Variants in CBLL1 observed in about 807,000 individuals in gnomAD.
The protein encoded by CBLL1 is E3 ubiquitin-protein ligase Hakai.
CBLL1 carries 4 observed loss-of-function variants against 44.9 expected under a neutral mutation model. The ratio of observed to expected loss-of-function variants is 0.09; its 90% CI spans 0.04 to 0.20. The LOEUF is 0.20. CBLL1 is among the 10% of genes least tolerant of loss of function. CBLL1 has a pLI of 1.00. For missense variants in CBLL1, 569 were observed against 636.7 expected (o/e 0.89, Z 1.14); for synonymous variants, 235 against 202.2 (o/e 1.16, Z -1.38).
Position 107,758,129 on chromosome 7 carries a change from C to A in CBLL1, c.441-14C>A, listed in dbSNP as rs769475998. The A allele has an allele frequency of 1.3e-6, 2 of 1,547,042 alleles. No individual in the cohort carries two copies. The highest frequency in any genetic ancestry group is 4.6e-5 in the East Asian group (2 of 43,922). On this transcript the variant is annotated splice_polypyrimidine_tract_variant and intron_variant, in intron 5 of 5. Coordinates refer to ENST00000440859, the MANE Select transcript of CBLL1 (RefSeq NM_024814.4). The surrounding 1 kb of genome is among the most constrained non-coding windows in gnomAD (Gnocchi z 4.2). ...CTCTTTTAGTAAATCACATTTCTTTCCCTTCTAATTTAGCTGTAGTGATCC... is the reference window on the plus strand; with the variant it reads ...CTCTTTTAGTAAATCACATTTCTTTACCTTCTAATTTAGCTGTAGTGATCC...
chr7:107,753,911 A>G lies in CBLL1; in HGVS notation c.299A>G (p.Glu100Gly), dbSNP rs1793418658. ...TTTCAACAGATAAACATCTTAGGTGAAAAGGATGATACACCAGTTCATTTC... is the reference window on the plus strand; with the variant it reads ...TTTCAACAGATAAACATCTTAGGTGGAAAGGATGATACACCAGTTCATTTC... ...FWDFQINILG[E>G]KDDTPVHFCD... The change falls in exon 4 of 6, where the codon GAA (glutamate) becomes GGA (glycine). Residue 100 changes from glutamate to glycine, a missense_variant. Glu to Gly is a moderately conservative substitution (Grantham distance 98). Around this residue, in one of 5 missense-constraint regions of CBLL1, gnomAD observed 209 missense variants for 202.8 expected, o/e 1.03. Coordinates refer to ENST00000440859, the MANE Select transcript of CBLL1 (RefSeq NM_024814.4). 2 of 1,590,254 alleles carry G rather than the reference A, an allele frequency of 1.3e-6. No individual in the cohort carries two copies. The highest frequency in any genetic ancestry group is 1.7e-6 in the Non-Finnish European group (2 of 1,166,570).
rs576364542 is a variant in CBLL1 at position 107,761,331 on chromosome 7, A to G, written c.*2153A>G. The G allele has an allele frequency of 1.2e-4, 19 of 152,320 alleles. No individual in the cohort carries two copies. Among genetic ancestry groups the G allele is most frequent in the African/African-American group, 4.3e-4 (18 of 41,588 alleles). The allele number at this position is 152,320 out of a possible 1,614,324, so 9.4% of individuals were successfully genotyped here. On this transcript the variant is annotated 3_prime_UTR_variant, in exon 6 of 6. Coordinates refer to ENST00000440859, the MANE Select transcript of CBLL1 (RefSeq NM_024814.4). Reference sequence around the variant, plus strand: ...AAGAGAACCCTTGTAGAGTTTTTAAAAAATGATTTATTTTCAATTAGGTTT... The same window carrying G: ...AAGAGAACCCTTGTAGAGTTTTTAAGAAATGATTTATTTTCAATTAGGTTT...
rs766630528 is a variant in CBLL1 at position 107,758,665 on chromosome 7, A to C, written c.963A>C (p.Glu321Asp). The C allele has an allele frequency of 3.1e-6, 5 of 1,614,058 alleles. No homozygotes were observed. Among genetic ancestry groups the C allele is most frequent in the Non-Finnish European group, 4.2e-6 (5 of 1,180,002 alleles). Residue 321 changes from glutamate (E) to aspartate (D), a missense_variant, in exon 6 of 6, where the codon GAA becomes GAC. By Grantham distance (45) the Glu-to-Asp change is conservative (BLOSUM62 2). This residue lies in a region of CBLL1 where 228 missense variants were observed against 253.2 expected (regional missense o/e 0.90). Coordinates refer to ENST00000440859, the MANE Select transcript of CBLL1 (RefSeq NM_024814.4). This position sits in a 1 kb window ranked among gnomAD's most constrained non-coding sequence, Gnocchi z 4.2. ...CAGCACCTGCTCACCATCATCCTGA[A>C]TATCAGGGTCAACCAGTGGTATCGC... ...PAPAPAHHHP[E>D]YQGQPVVSHP... is the part of the protein sequence containing the mutation.
Position 107,758,299 on chromosome 7 carries a change from T to A in CBLL1, c.597T>A (p.Arg199=). The A allele has an allele frequency of 6.2e-7, 1 of 1,614,152 alleles. No individual in the cohort carries two copies. The highest frequency in any genetic ancestry group is 8.5e-7 in the Non-Finnish European group (1 of 1,180,020). The change falls in exon 6 of 6, where the codon CGT becomes CGA. Residue 199 remains arginine (R), a synonymous_variant. Transcript: ENST00000440859. This position sits in a 1 kb window ranked among gnomAD's most constrained non-coding sequence, Gnocchi z 4.2. The part of the protein sequence containing the change: ...RHMRAGKPVT[R]ASLENVHPPI... Reference sequence around the variant, plus strand: ...TGAGAGCTGGAAAACCTGTTACCCGTGCTTCACTTGAAAATGTTCATCCTC... The same window carrying A: ...TGAGAGCTGGAAAACCTGTTACCCGAGCTTCACTTGAAAATGTTCATCCTC...
chr7:107,750,962 A>G (rs1228555150), intron 2 of CBLL1, among the ~76,000 whole-genome samples: 1 of 145,732 alleles, frequency 6.9e-6, no homozygotes, highest in Admixed American at 6.6e-5. Context: ...TATTAAGGGG[A>G]AAAAAGGTGG....
In CBLL1 at chr7:107,759,895, C is replaced by T. The variant is rs918424060; in HGVS notation, c.*717C>T. On this transcript the variant is annotated 3_prime_UTR_variant, in exon 6 of 6. Transcript: ENST00000440859. Reference sequence around the variant, plus strand: ...TTGTTCGTAATGTTAAAAGACATTACTAATTATTTGGAAAGAGATGGCCAA... The same window carrying T: ...TTGTTCGTAATGTTAAAAGACATTATTAATTATTTGGAAAGAGATGGCCAA... The T allele has an allele frequency of 6.6e-6, 1 of 152,234 alleles. No homozygotes were observed. The highest frequency in any genetic ancestry group is 6.6e-5 in the Admixed American group (1 of 15,260). The allele number at this position is 152,234 out of a possible 1,614,324, so 9.4% of individuals were successfully genotyped here.
chr7:107,755,535 A>T (rs1359703952), intron 5 of CBLL1, 44 bp downstream of exon 5: 2 of 1,155,852 alleles, frequency 1.7e-6, no homozygotes, highest in Non-Finnish European at 2.5e-6. Flanking sequence ...ATAAAGTTTT[A>T]GTGCAATGAT....
At chr7:107,756,153 A>G (rs1399578625) in intron 5 of CBLL1, among the ~76,000 whole-genome samples, 4 of 152,216 alleles carry the variant, frequency 2.6e-5, no homozygotes, top group Non-Finnish European at 4.4e-5. Flanking sequence ...GAATTTTTAT[A>G]TCAGTTCAGA....
chr7:107,758,431 T>C lies in CBLL1; in HGVS notation c.729T>C (p.Pro243=). 6.2e-7 allele frequency: 1 copy of C among 1,613,984 alleles called. No homozygotes were observed. The highest frequency in any genetic ancestry group is 8.5e-7 in the Non-Finnish European group (1 of 1,179,998). ...AGCAGCACATCATGATGCCACCACC[T>C]CCTTTGCAACATGTGCCACATGAGC... ...PPKQHIMMPP[P]PLQHVPHEHY... is the part of the protein sequence containing the mutation. Residue 243 remains proline (P), a synonymous_variant, in exon 6 of 6, where the codon CCT becomes CCC. Transcript: ENST00000440859. This position sits in a 1 kb window ranked among gnomAD's most constrained non-coding sequence, Gnocchi z 4.2.
chr7:107,747,395 A>G (rs769577473), intron 1 of CBLL1, among the ~76,000 whole-genome samples: 6 of 152,328 alleles, frequency 3.9e-5, no homozygotes, highest in East Asian at 3.9e-4. Context: ...TGAACTGATT[A>G]TATGTCTACA....
At position 107,758,332 on chromosome 7, in the gene CBLL1, C is replaced by T. The variant is rs1208000578; in HGVS notation, c.630C>T (p.Ala210=). ...ASLENVHPPI[A]PPPTEIPERF... ...TTGAAAATGTTCATCCTCCTATTGC[C>T]CCACCACCAACTGAAATCCCTGAGC... Residue 210 remains alanine, a synonymous_variant, in exon 6 of 6, where the codon GCC becomes GCT. Coordinates refer to ENST00000440859, the MANE Select transcript of CBLL1 (RefSeq NM_024814.4). The surrounding 1 kb of genome is among the most constrained non-coding windows in gnomAD (Gnocchi z 4.2). 15 of 1,613,972 alleles carry T rather than the reference C, an allele frequency of 9.3e-6. No homozygotes were observed. Among genetic ancestry groups the T allele is most frequent in the Non-Finnish European group, 1.3e-5 (15 of 1,180,022 alleles).
rs760656107 is a variant in CBLL1, at chr7:107,758,746, A to T, written c.1044A>T (p.Pro348=). The change falls in exon 6 of 6, where the codon CCA becomes CCT. Residue 348 remains proline (P), a synonymous_variant. Transcript: ENST00000440859. This position sits in a 1 kb window ranked among gnomAD's most constrained non-coding sequence, Gnocchi z 4.2. The stretch of plus-strand genomic sequence containing the variant: ...ATTATGCACCACCCCCACCTCCTCC[A>T]CCACCAATAAGCCATCCAATGCCAC... ...QQHYAPPPPP[P]PPISHPMPHP... The T allele has an allele frequency of 1.9e-6, 3 of 1,612,948 alleles. No individual in the cohort carries two copies. The highest frequency in any genetic ancestry group is 2.7e-5 in the African/African-American group (2 of 74,530).
rs766990918 is a variant in CBLL1 at position 107,753,920 on chromosome 7, A to T, written c.308A>T (p.Asp103Val). ...ATAAACATCTTAGGTGAAAAGGATG[A>T]TACACCAGTTCATTTCTGTGACAAG... Reference protein sequence around the residue: ...FQINILGEKDDTPVHFCDKCG... With the variant: ...FQINILGEKDVTPVHFCDKCG... The change falls in exon 4 of 6, where the codon GAT becomes GTT. Residue 103 changes from aspartate to valine, a missense_variant. Coordinates refer to ENST00000440859, the MANE Select transcript of CBLL1 (RefSeq NM_024814.4). The T allele has an allele frequency of 6.3e-7, 1 of 1,596,328 alleles. No homozygotes were observed. The highest frequency in any genetic ancestry group is 1.7e-5 in the Admixed American group (1 of 57,968).
At chr7:107,751,390 G>A (rs1793285397) in intron 2 of CBLL1, among the ~76,000 whole-genome samples, 1 of 146,670 alleles carries the variant, frequency 6.8e-6, no homozygotes, top group African/African-American at 2.5e-5. Context: ...CCTGGGAGTT[G>A]GGGACCCCTG....
rs1793726748 is a variant in CBLL1 at position 107,760,666 on chromosome 7, T to TA, written c.*1489dup. The stretch of plus-strand genomic sequence containing the variant: ...AAATGGTGCATAATAAAACATGAAA[T>TA]ATGTAGTATGCAGATATCATTTATT... On this transcript the variant is annotated 3_prime_UTR_variant, in exon 6 of 6. Coordinates refer to ENST00000440859, the MANE Select transcript of CBLL1 (RefSeq NM_024814.4). The TA allele has an allele frequency of 6.6e-6, 1 of 152,230 alleles. No homozygotes were observed. Among genetic ancestry groups the TA allele is most frequent in the Non-Finnish European group, 1.5e-5 (1 of 67,934 alleles). 9.4% of individuals were successfully genotyped at this position (152,230 alleles called of 1,614,324 possible).
chr7:107,746,678 A>G (rs1397738431), intron 1 of CBLL1, among the ~76,000 whole-genome samples: 1 of 152,230 alleles, frequency 6.6e-6, no homozygotes, highest in African/African-American at 2.4e-5. Flanking sequence ...CCTTGGGGAA[A>G]CAGATGAAAC....
In CBLL1 at chr7:107,759,976, C is replaced by G. The variant is rs1457926717; in HGVS notation, c.*798C>G. The G allele has an allele frequency of 6.6e-6, 1 of 152,210 alleles. No individual in the cohort carries two copies. Among genetic ancestry groups the G allele is most frequent in the Non-Finnish European group, 1.5e-5 (1 of 67,990 alleles). 9.4% of individuals were successfully genotyped at this position (152,210 alleles called of 1,614,324 possible). A position where few individuals can be genotyped will look rare whatever the true frequency, so the allele number is the denominator to read the frequency against. On this transcript the variant is annotated 3_prime_UTR_variant, in exon 6 of 6. Coordinates refer to ENST00000440859, the MANE Select transcript of CBLL1 (RefSeq NM_024814.4). ...GGGGGAATGCTGTTACTCATTAATG[C>G]TTTTTTACTGAATGGTCGGAATCAC...
rs1028274609 is a variant in CBLL1, at chr7:107,759,406, C to T, written c.*228C>T. 5 of 396,682 alleles carry T rather than the reference C, an allele frequency of 1.3e-5. No homozygotes were observed. The highest frequency in any genetic ancestry group is 1.0e-4 in the African/African-American group (5 of 48,892). The allele number at this position is 396,682 out of a possible 1,614,324, so 24.6% of individuals were successfully genotyped here. The stretch of plus-strand genomic sequence containing the variant: ...GTTGAGCACAGCTATATTTTAACAT[C>T]TCTTTGTTCCCCTAGTTTAGTAAAT... On this transcript the variant is annotated 3_prime_UTR_variant, in exon 6 of 6. Transcript: ENST00000440859.
Position 107,758,370 on chromosome 7 carries a change from C to G in CBLL1, c.668C>G (p.Pro223Arg). 6.2e-7 allele frequency: 1 copy of G among 1,614,074 alleles called. No individual in the cohort carries two copies. Among genetic ancestry groups the G allele is most frequent in the Non-Finnish European group, 8.5e-7 (1 of 1,180,008 alleles). ...GAAATCCCTGAGCGTTTTATAATGC[C>G]ACCAGACAAGCACCATATGAGCCAT... ...PTEIPERFIM[P>R]PDKHHMSHIP... is the part of the protein sequence containing the mutation. The change falls in exon 6 of 6, where the codon CCA becomes CGA. Residue 223 changes from proline to arginine, a missense_variant. Pro to Arg is a moderately radical substitution (Grantham distance 103, BLOSUM62 -2). Transcript: ENST00000440859. The surrounding 1 kb of genome is among the most constrained non-coding windows in gnomAD (Gnocchi z 4.2).
Sources: gnomAD v4.1 joint callset for allele counts (sites outside exome capture counted in the v4.1 genomes callset) on GRCh38, gnomAD v4.1.1 for gene constraint, gnomAD v4.1.1 regional missense constraint, Gnocchi (gnomAD v3.1) non-coding constraint, MANE v1.5 for transcripts, NCBI Gene and HGNC (gene_info 2026-07-23, HGNC 2026-07-21) for gene names.